The following PAIP2 variants were observed in gnomAD, a reference collection of about 807,000 sequenced individuals.
PAIP2 encodes the protein polyadenylate-binding protein-interacting protein 2.
PAIP2 carries 7 observed loss-of-function variants against 14.8 expected under a neutral mutation model. The observed-to-expected ratio is 0.47, with a 90% CI of 0.27 to 0.89. PAIP2 has a LOEUF of 0.89. PAIP2 is among the 40% of genes least tolerant of loss of function. PAIP2 has a pLI of 0.13. For synonymous variants in PAIP2, 47 were observed against 45.3 expected (o/e 1.04, Z -0.15); for missense variants, 122 against 154.7 (o/e 0.79, Z 1.12).
In PAIP2 at chr5:139,364,068, T is replaced by C. The variant is rs961961361; in HGVS notation, c.138+146T>C. 2.6e-5 allele frequency: 18 copies of C among 692,374 alleles called. No homozygotes were observed. In the African/African-American group the frequency reaches 3.2e-4, roughly 12 times the overall value. 42.9% of individuals were successfully genotyped at this position (692,374 alleles called of 1,614,324 possible). ...CACTCCTGTTTATTTGGCTGCTGAT[T>C]ACTACCAGGCTTAACTGCTTACGGA... On this transcript the variant is annotated intron_variant, in intron 2 of 3. Transcript: ENST00000265192.
chr5:139,359,956 A>T (rs879860980), intron 1 of PAIP2, among the ~76,000 whole-genome samples: 7 of 151,652 alleles, frequency 4.6e-5, no homozygotes, highest in Non-Finnish European at 7.4e-5. Context: ...TCAAAAAAAA[A>T]TGGGTAATTT....
At chr5:139,345,422 G>C (rs888673666) in intron 1 of PAIP2, among the ~76,000 whole-genome samples, 1 of 152,070 alleles carries the variant, frequency 6.6e-6, no homozygotes. Flanking sequence ...CTTCAGAGTG[G>C]AAAACAGACC....
At chr5:139,357,902 C>A (rs1756962269) in intron 1 of PAIP2, among the ~76,000 whole-genome samples, 1 of 152,158 alleles carries the variant, frequency 6.6e-6, no homozygotes, top group East Asian at 1.9e-4. Flanking sequence ...GTCTTCAAGG[C>A]TTACCAAGCT....
chr5:139,368,898 A>G lies in PAIP2; in HGVS notation c.*100A>G. On this transcript the variant is annotated 3_prime_UTR_variant, in exon 4 of 4. Transcript: ENST00000265192. The stretch of plus-strand genomic sequence containing the variant: ...AAAAGCTCTCTTGTCACTGTGTTAC[A>G]CTTATGCATTGCCAAAGTTTTTGTT... The G allele has an allele frequency of 1.2e-6, 1 of 867,784 alleles. No individual in the cohort carries two copies. The highest frequency in any genetic ancestry group is 2.6e-5 in the East Asian group (1 of 39,000). 53.8% of individuals were successfully genotyped at this position (867,784 alleles called of 1,614,324 possible). A position where few individuals can be genotyped will look rare whatever the true frequency, so the allele number is the denominator to read the frequency against.
intron 1 of PAIP2, among the ~76,000 whole-genome samples, chr5:139,362,414 T>G (rs954867627): frequency 8.9e-5 from 13 of 145,758 alleles, no homozygotes; most frequent in Non-Finnish European, 9.0e-5. Flanking sequence ...TGTTTTTTTT[T>G]TTTTTTTTTT....
intron 1 of PAIP2, among the ~76,000 whole-genome samples, chr5:139,351,125 A>G (rs1756718224): frequency 6.6e-6 from 1 of 152,198 alleles, no homozygotes; most frequent in Non-Finnish European, 1.5e-5. Context: ...AATACAATAC[A>G]TATATAATAT....
intron 1 of PAIP2, among the ~76,000 whole-genome samples, chr5:139,345,747 C>A (rs1020061584): frequency 6.6e-6 from 1 of 151,746 alleles, no homozygotes; most frequent in African/African-American, 2.4e-5. Flanking sequence ...CTTGCCTCAG[C>A]CTCCTGAGTA....
rs145572979 is a variant in PAIP2 at position 139,357,889 on chromosome 5, A to G, written c.-26-5870A>G. Reference sequence around the variant, plus strand: ...CCAACTTGTACCAAGAATGCAGGCTATTGTCTTCAAGGCTTACCAAGCTGC... The same window carrying G: ...CCAACTTGTACCAAGAATGCAGGCTGTTGTCTTCAAGGCTTACCAAGCTGC... On this transcript the variant is annotated intron_variant, in intron 1 of 3. Transcript: ENST00000265192. Among the ~76,000 whole-genome samples the G allele has an allele frequency of 7.5e-3, 1,137 of 152,288 alleles. 10 individuals carry two copies. The highest frequency in any genetic ancestry group is 9.1e-3 in the Non-Finnish European group (620 of 68,012).
At chr5:139,348,267 CA>C (rs1202568974) in intron 1 of PAIP2, among the ~76,000 whole-genome samples, 2 of 151,922 alleles carry the variant, frequency 1.3e-5, no homozygotes, top group Non-Finnish European at 1.5e-5. Flanking sequence ...TGGCTCACTG[CA>C]GCCTCTGCCT....
chr5:139,349,240 C>CTGTTGT (rs369569286), intron 1 of PAIP2, among the ~76,000 whole-genome samples: 4 of 151,724 alleles, frequency 2.6e-5, no homozygotes, highest in East Asian at 2.0e-4. Flanking sequence ...TTGTTTTTTG[C>CTGTTGT]TGTTGTTGTT....
At chr5:139,366,701 GTTC>G (rs1185695319) in intron 3 of PAIP2, among the ~76,000 whole-genome samples, 1 of 152,154 alleles carries the variant, frequency 6.6e-6, no homozygotes, top group Non-Finnish European at 1.5e-5. Context: ...AAGCTGGTTT[GTTC>G]TTCTCAGTCT....
At chr5:139,350,783 C>G (rs1036218409) in intron 1 of PAIP2, among the ~76,000 whole-genome samples, 2 of 151,834 alleles carry the variant, frequency 1.3e-5, no homozygotes, top group Non-Finnish European at 2.9e-5. Context: ...GGTTTGTGCT[C>G]CTTGTCCTCT....
intron 1 of PAIP2, among the ~76,000 whole-genome samples, chr5:139,355,582 T>G (rs1383914546): frequency 6.6e-6 from 1 of 152,216 alleles, no homozygotes; most frequent in Non-Finnish European, 1.5e-5. Context: ...ATACTTGATT[T>G]GAAGTCTTTG....
chr5:139,359,459 G>A (rs971044724), intron 1 of PAIP2, among the ~76,000 whole-genome samples: 7 of 151,886 alleles, frequency 4.6e-5, no homozygotes, highest in African/African-American at 1.7e-4. Context: ...GATTTTATGG[G>A]CATAAGTTGG....
intron 1 of PAIP2, among the ~76,000 whole-genome samples, chr5:139,344,677 C>G (rs1030003129): frequency 1.3e-5 from 2 of 152,100 alleles, no homozygotes; most frequent in Non-Finnish European, 2.9e-5. Flanking sequence ...ATTTGGGTGG[C>G]ATTTCTAATG....
At chr5:139,363,042 A>G (rs1036999880) in intron 1 of PAIP2, among the ~76,000 whole-genome samples, 2 of 151,888 alleles carry the variant, frequency 1.3e-5, no homozygotes. Flanking sequence ...GGAGTTCAAG[A>G]CCAGCCTGGC....
rs992889791 is a variant in PAIP2, at chr5:139,369,019, A to G, written c.*221A>G. 25 of 417,680 alleles carry G rather than the reference A, an allele frequency of 6.0e-5. No individual in the cohort carries two copies. The highest frequency in any genetic ancestry group is 4.9e-4 in the African/African-American group (24 of 48,696). 25.9% of individuals were successfully genotyped at this position (417,680 alleles called of 1,614,324 possible). A position where few individuals can be genotyped will look rare whatever the true frequency, so the allele number is the denominator to read the frequency against. ...AGAATTGGCCCCATGGCTTGATGTG[A>G]AGACAGCAAGGAAAGAAGCACCAGT... On this transcript the variant is annotated 3_prime_UTR_variant, in exon 4 of 4. Coordinates refer to ENST00000265192, the MANE Select transcript of PAIP2 (RefSeq NM_016480.5).
intron 1 of PAIP2, chr5:139,343,250 TAAA>T (rs1312176883): frequency 2.0e-5 from 3 of 152,192 alleles, no homozygotes; most frequent in Admixed American, 6.5e-5. Flanking sequence ...TGAACTTGAA[TAAA>T]ACTTTTTCAC....
chr5:139,353,324 G>A (rs938256065), intron 1 of PAIP2, among the ~76,000 whole-genome samples: 7 of 152,088 alleles, frequency 4.6e-5, no homozygotes, highest in Non-Finnish European at 1.0e-4. Flanking sequence ...CTGGAGAAAA[G>A]CATTCTCTCA....
Sources: gnomAD v4.1 joint callset for allele counts (sites outside exome capture counted in the v4.1 genomes callset) on GRCh38, gnomAD v4.1.1 for gene constraint, MANE v1.5 for transcripts, NCBI Gene and HGNC (gene_info 2026-07-23, HGNC 2026-07-21) for gene names.